CFAP96: variants seen among roughly 807,000 people sequenced by gnomAD.
The protein encoded by CFAP96 is cilia-and flagella-associated protein 96.
the CFAP96 span, among the ~76,000 whole-genome samples, chr4:185,419,961 C>T: frequency 1.3e-5 from 2 of 152,224 alleles, no homozygotes; most frequent in Non-Finnish European, 2.9e-5. Flanking sequence ...CATGGCAACT[C>T]TCTATTTCAC....
chr4:185,411,862 G>T, the CFAP96 span, among the ~76,000 whole-genome samples: 1 of 152,200 alleles, frequency 6.6e-6, no homozygotes, highest in African/African-American at 2.4e-5. Context: ...GCAAGCTGCA[G>T]AGACTACGTA....
chr4:185,439,216 C>A, the CFAP96 span, among the ~76,000 whole-genome samples: 2 of 152,104 alleles, frequency 1.3e-5, no homozygotes, highest in Non-Finnish European at 2.9e-5. Context: ...AATAAATTAT[C>A]AAGTGATTCC....
chr4:185,411,876 AATG>A, the CFAP96 span, among the ~76,000 whole-genome samples: 1 of 152,242 alleles, frequency 6.6e-6, no homozygotes, highest in Non-Finnish European at 1.5e-5. Flanking sequence ...CTACGTACAG[AATG>A]ATACCATATT....
At chr4:185,445,111 A>G in the CFAP96 span, 1 of 1,551,506 alleles carries the variant, frequency 6.4e-7, no homozygotes, top group Non-Finnish European at 8.7e-7. Context: ...TGAAAGTATA[A>G]TGACTTTGAA....
At chr4:185,439,378 C>A in the CFAP96 span, among the ~76,000 whole-genome samples, 1 of 151,998 alleles carries the variant, frequency 6.6e-6, no homozygotes, top group African/African-American at 2.4e-5. Context: ...CAAGCAAGGG[C>A]AAGAGAAAAA....
the CFAP96 span, among the ~76,000 whole-genome samples, chr4:185,417,379 C>T: frequency 6.6e-6 from 1 of 152,216 alleles, no homozygotes; most frequent in Non-Finnish European, 1.5e-5. Flanking sequence ...CTCATCTGTA[C>T]ATCTTACTGA....
the CFAP96 span, among the ~76,000 whole-genome samples, chr4:185,442,750 A>C: frequency 6.6e-6 from 1 of 152,168 alleles, no homozygotes; most frequent in Non-Finnish European, 1.5e-5. Flanking sequence ...TCAGGAACGT[A>C]TGCTGAATTT....
the CFAP96 span, chr4:185,449,629 A>G: frequency 6.5e-7 from 1 of 1,542,088 alleles, no homozygotes; most frequent in Non-Finnish European, 8.8e-7. Context: ...AGACTTCTTC[A>G]GTACCATCCT....
At chr4:185,436,549 A>AT in the CFAP96 span, among the ~76,000 whole-genome samples, 2 of 151,914 alleles carry the variant, frequency 1.3e-5, no homozygotes, top group Non-Finnish European at 2.9e-5. Flanking sequence ...ATCTCTACTA[A>AT]TCTTACAAAA....
At chr4:185,443,338 A>AT in the CFAP96 span, among the ~76,000 whole-genome samples, 1 of 32,114 alleles carries the variant, frequency 3.1e-5, no homozygotes, top group African/African-American at 9.4e-5. Context: ...ATATATATAT[A>AT]TATATTTTTT....
the CFAP96 span, among the ~76,000 whole-genome samples, chr4:185,417,945 G>C: frequency 1.3e-5 from 2 of 151,916 alleles, no homozygotes; most frequent in Non-Finnish European, 2.9e-5. Flanking sequence ...TCAGGAGGCC[G>C]AGGCAGGAGA....
chr4:185,413,744 A>G, the CFAP96 span: 2 of 1,611,466 alleles, frequency 1.2e-6, no homozygotes, highest in Non-Finnish European at 1.7e-6. Flanking sequence ...TCTCCATGTT[A>G]GGTGGATTAA....
the CFAP96 span, among the ~76,000 whole-genome samples, chr4:185,443,342 A>ATATATATATT: frequency 2.1e-3 from 57 of 26,724 alleles, no homozygotes; most frequent in South Asian, 4.2e-3. Context: ...ATATATATAT[A>ATATATATATT]TTTTTTTTTT....
the CFAP96 span, chr4:185,415,017 G>A: frequency 1.3e-5 from 9 of 679,372 alleles, no homozygotes; most frequent in South Asian, 2.0e-4. Context: ...ATTAAATAAT[G>A]TGTAAAATGA....
the CFAP96 span, among the ~76,000 whole-genome samples, chr4:185,416,255 C>T: frequency 3.3e-5 from 5 of 152,278 alleles, no homozygotes; most frequent in Admixed American, 1.3e-4. Context: ...GTTAAAGCCA[C>T]GCATAGGTTC....
At chr4:185,431,292 ACTT>A in the CFAP96 span, among the ~76,000 whole-genome samples, 4 of 152,058 alleles carry the variant, frequency 2.6e-5, no homozygotes, top group Admixed American at 2.0e-4. Flanking sequence ...CACTTCAAAA[ACTT>A]CTCCATGTTT....
At chr4:185,428,986 A>T in the CFAP96 span, among the ~76,000 whole-genome samples, 1 of 152,226 alleles carries the variant, frequency 6.6e-6, no homozygotes, top group Admixed American at 6.5e-5. Context: ...TATGATTTTA[A>T]AATCTACCCT....
chr4:185,442,291 T>TTTTTTGA, the CFAP96 span, among the ~76,000 whole-genome samples: 1 of 152,106 alleles, frequency 6.6e-6, no homozygotes, highest in Non-Finnish European at 1.5e-5. Flanking sequence ...TATATTAACA[T>TTTTTTGA]ATTTATAATT....
the CFAP96 span, chr4:185,449,776 TTC>T: frequency 3.7e-6 from 2 of 536,134 alleles, no homozygotes; most frequent in South Asian, 6.6e-5. Flanking sequence ...GCAACTCTAA[TTC>T]TCTTCCTTAT....
Sources: allele counts gnomAD v4.1 joint callset (sites outside exome capture counted in the v4.1 genomes callset), GRCh38; gene constraint gnomAD v4.1.1; transcripts MANE v1.5; gene names NCBI Gene and HGNC (gene_info 2026-07-23, HGNC 2026-07-21).